Variants in ATP8A2 observed in about 807,000 individuals in gnomAD.
ATP8A2 encodes phospholipid-transporting ATPase IB.
ATP8A2 carries 100 observed loss-of-function variants against 165.6 expected under a neutral mutation model. The observed-to-expected ratio is 0.60, with a 90% CI of 0.51 to 0.71. The LOEUF is 0.71. Ranked by LOEUF, ATP8A2 falls within the 30% of genes least tolerant of loss-of-function variation. ATP8A2 has a pLI of 0.00. For synonymous variants in ATP8A2, 543 were observed against 548.8 expected (o/e 0.99, Z 0.15); for missense variants, 1,227 against 1,479.5 (o/e 0.83, Z 2.80).
At chr13:25,738,881 A>T (rs1253950136) in intron 25 of ATP8A2, among the ~76,000 whole-genome samples, 1 of 152,232 alleles carries the variant, frequency 6.6e-6, no homozygotes, top group African/African-American at 2.4e-5. Flanking sequence ...ACATGAAAAC[A>T]TAAAAATTTC....
intron 36 of ATP8A2, among the ~76,000 whole-genome samples, chr13:26,018,681 G>T (rs1957034830): frequency 6.6e-6 from 1 of 152,176 alleles, no homozygotes; most frequent in Non-Finnish European, 1.5e-5. Flanking sequence ...TGGAAGAAAA[G>T]CCCCACTCTG....
intron 8 of ATP8A2, among the ~76,000 whole-genome samples, chr13:25,540,969 C>A (rs562908207): frequency 1.2e-3 from 180 of 151,554 alleles, no homozygotes; most frequent in Admixed American, 2.8e-3. Flanking sequence ...TCAAGCGATT[C>A]TCCCACCTTA....
chr13:25,574,991 A>T (rs910845729), intron 19 of ATP8A2, 134 bp downstream of exon 19: 1 of 471,570 alleles, frequency 2.1e-6, no homozygotes, highest in Non-Finnish European at 3.7e-6. Context: ...TATCTCCATA[A>T]ACTCTTTTCT....
intron 24 of ATP8A2, among the ~76,000 whole-genome samples, chr13:25,662,476 A>AT (rs952298017): frequency 6.6e-6 from 1 of 151,868 alleles, no homozygotes; most frequent in African/African-American, 2.4e-5. Flanking sequence ...CCTAGCGAAT[A>AT]TTTTTTTTCT....
intron 33 of ATP8A2, among the ~76,000 whole-genome samples, chr13:25,954,180 T>G (rs1261258955): frequency 6.6e-6 from 1 of 152,130 alleles, no homozygotes; most frequent in African/African-American, 2.4e-5. Flanking sequence ...GGGAGGTGCG[T>G]CCACCATTAC....
intron 25 of ATP8A2, among the ~76,000 whole-genome samples, chr13:25,743,196 A>G (rs2043954277): frequency 6.6e-6 from 1 of 152,130 alleles, no homozygotes; most frequent in Non-Finnish European, 1.5e-5. Context: ...TCATGTGAAG[A>G]TGAAGGCAGA....
rs550510353 is a variant in ATP8A2, at chr13:25,934,827, GA to G, written c.3184-26740del. On this transcript the variant is annotated intron_variant, in intron 33 of 36. Transcript: ENST00000381655. ...CTGAGTGAAGACGGGAAAAGACAAA[GA>G]AAAAAAACAACGTTGAGGATTTGAA... 4.6e-5 allele frequency among the ~76,000 whole-genome samples: 7 copies of G among 151,948 alleles called. No individual in the cohort carries two copies. The South Asian group carries it at 1.2e-3, about 27-fold the overall frequency.
chr13:25,960,436 C>G (rs969388086), intron 33 of ATP8A2, among the ~76,000 whole-genome samples: 1 of 152,158 alleles, frequency 6.6e-6, no homozygotes, highest in South Asian at 2.1e-4. Flanking sequence ...GCCCTCTGCT[C>G]TCCCTCCCTC....
intron 27 of ATP8A2, among the ~76,000 whole-genome samples, chr13:25,801,394 G>T (rs1950618718): frequency 6.6e-6 from 1 of 152,126 alleles, no homozygotes; most frequent in East Asian, 1.9e-4. Flanking sequence ...TTGCCCCACG[G>T]TTCTGGCCCG....
chr13:25,654,417 T>G (rs1213917815), intron 24 of ATP8A2, among the ~76,000 whole-genome samples: 1 of 152,164 alleles, frequency 6.6e-6, no homozygotes, highest in African/African-American at 2.4e-5. Flanking sequence ...GTTGCCCAGA[T>G]AGTTTTAAAC....
chr13:25,804,246 G>A (rs539390433), intron 27 of ATP8A2, among the ~76,000 whole-genome samples: 4 of 152,182 alleles, frequency 2.6e-5, no homozygotes, highest in African/African-American at 7.2e-5. Flanking sequence ...TGATATTAAT[G>A]TACAGTGGAT....
chr13:25,805,958 T>G (rs940706314), intron 27 of ATP8A2, among the ~76,000 whole-genome samples: 3 of 152,184 alleles, frequency 2.0e-5, no homozygotes, highest in African/African-American at 7.2e-5. Flanking sequence ...AATAACAGTA[T>G]GCAGTGCTCT....
intron 25 of ATP8A2, among the ~76,000 whole-genome samples, chr13:25,765,299 A>G (rs949181022): frequency 6.6e-6 from 1 of 152,238 alleles, no homozygotes; most frequent in African/African-American, 2.4e-5. Flanking sequence ...GCCCCCAAGC[A>G]CCTAGCTTGG....
At chr13:25,540,742 A>G (rs945100219) in intron 8 of ATP8A2, among the ~76,000 whole-genome samples, 1 of 152,108 alleles carries the variant, frequency 6.6e-6, no homozygotes, top group Non-Finnish European at 1.5e-5. Flanking sequence ...AGTTTACATC[A>G]TTGTTGTAAT....
chr13:25,601,077 T>C (rs2138371016), intron 24 of ATP8A2, among the ~76,000 whole-genome samples: 1 of 152,312 alleles, frequency 6.6e-6, no homozygotes, highest in South Asian at 2.1e-4. Context: ...GTTGTTATTC[T>C]CATGACAAAG....
At chr13:25,422,044 A>C (rs1178615601) in intron 1 of ATP8A2, among the ~76,000 whole-genome samples, 1 of 152,234 alleles carries the variant, frequency 6.6e-6, no homozygotes, top group Non-Finnish European at 1.5e-5. Context: ...ACAATGCTTG[A>C]AAGTGATGAA....
chr13:25,646,645 A>G (rs538611868), intron 24 of ATP8A2, among the ~76,000 whole-genome samples: 3 of 91,468 alleles, frequency 3.3e-5, no homozygotes, highest in African/African-American at 1.4e-4. Context: ...ACAGAGTGAG[A>G]CTCCATCTCA....
At position 25,952,088 on chromosome 13, in the gene ATP8A2, G is replaced by C. The variant is rs80271611; in HGVS notation, c.3184-9487G>C. On this transcript the variant is annotated intron_variant, in intron 33 of 36. Coordinates refer to ENST00000381655, the MANE Select transcript of ATP8A2 (RefSeq NM_016529.6). ...GTAGGGATGCAGGTGCTGTGGGATC[G>C]CTTCATTGTTTAACAATTCCTTTGC... Among the ~76,000 whole-genome samples the C allele has an allele frequency of 3.3e-5, 5 of 152,208 alleles. No individual in the cohort carries two copies. The East Asian group carries it at 9.7e-4, about 29-fold the overall frequency.
chr13:25,948,712 T>A (rs1015337554), intron 33 of ATP8A2, among the ~76,000 whole-genome samples: 1 of 152,074 alleles, frequency 6.6e-6, no homozygotes, highest in African/African-American at 2.4e-5. Context: ...TTGATCACAC[T>A]CTCTATTCAT....
Sources: gnomAD v4.1 joint callset for allele counts (sites outside exome capture counted in the v4.1 genomes callset) on GRCh38, gnomAD v4.1.1 for gene constraint, MANE v1.5 for transcripts, NCBI Gene and HGNC (gene_info 2026-07-23, HGNC 2026-07-21) for gene names.